Variants in MTUS2 observed in about 807,000 individuals in gnomAD.
MTUS2 encodes the protein microtubule-associated tumor suppressor candidate 2.
Under a neutral mutation model 114.1 loss-of-function variants are expected in MTUS2, and 40 were observed. The ratio of observed to expected loss-of-function variants is 0.35; its 90% CI spans 0.27 to 0.46. The LOEUF (loss-of-function observed/expected upper bound fraction) is 0.46. Ranked by LOEUF, MTUS2 falls within the 20% of genes least tolerant of loss-of-function variation. The pLI is 1.00. For missense variants in MTUS2, 1,679 were observed against 1,705.4 expected, an observed-to-expected ratio of 0.98 and a Z score of 0.27; for synonymous variants, 688 against 672.0, an observed-to-expected ratio of 1.02 and a Z score of -0.37.
intron 5 of MTUS2, among the ~76,000 whole-genome samples, chr13:29,205,004 G>A (rs560405556): frequency 6.6e-6 from 1 of 152,252 alleles, no homozygotes; most frequent in Admixed American, 6.5e-5. Context: ...CAGTCAGAGG[G>A]ACCATCAGAG....
At position 29,345,929 on chromosome 13, in the gene MTUS2, TG is replaced by T. The variant is rs372318079; in HGVS notation, c.2906-13330del. Among the ~76,000 whole-genome samples the T allele has an allele frequency of 3.7e-4, 56 of 152,282 alleles. 2 individuals are homozygous for T. The East Asian group carries it at 6.2e-3, about 17-fold the overall frequency. ...ACTGTAGTTATTGTTATATTTTTTC[TG>T]GGTCTAGCCACCTAGCTGAGCTACC... On this transcript the variant is annotated intron_variant, in intron 7 of 15. Coordinates refer to ENST00000612955, the MANE Select transcript of MTUS2 (RefSeq NM_001033602.4).
chr13:29,315,469 TA>T (rs552195010), intron 6 of MTUS2, among the ~76,000 whole-genome samples: 78 of 152,228 alleles, frequency 5.1e-4, no homozygotes, highest in African/African-American at 1.7e-3. Flanking sequence ...ATTAGAATAA[TA>T]AAAATCATTT....
At chr13:29,393,594 C>G (rs113941036) in intron 8 of MTUS2, among the ~76,000 whole-genome samples, 5 of 152,284 alleles carry the variant, frequency 3.3e-5, no homozygotes, top group African/African-American at 1.2e-4. Context: ...TTCTCAGTGA[C>G]ACTGAAGACA....
intron 5 of MTUS2, among the ~76,000 whole-genome samples, chr13:29,120,174 C>T (rs1223726659): frequency 6.6e-6 from 1 of 152,092 alleles, no homozygotes; most frequent in African/African-American, 2.4e-5. Flanking sequence ...CAGTCTCATA[C>T]ACTGAGGTCA....
At chr13:29,387,043 A>G (rs1566170667) in intron 8 of MTUS2, among the ~76,000 whole-genome samples, 1 of 152,332 alleles carries the variant, frequency 6.6e-6, no homozygotes, top group East Asian at 1.9e-4. Context: ...AGTGCTTACT[A>G]TGTGCTAGGC....
rs1008008683 is a variant in MTUS2 at position 29,326,682 on chromosome 13, A to G, written c.2905+1971A>G. On this transcript the variant is annotated intron_variant, in intron 7 of 15. Coordinates refer to ENST00000612955, the MANE Select transcript of MTUS2 (RefSeq NM_001033602.4). ...GAACTATACTCTCTAAACTAACTCA[A>G]AGATTTAGATTACCAGAGCCAGGCG... Among the ~76,000 whole-genome samples, 4 of 152,214 alleles carry G rather than the reference A, an allele frequency of 2.6e-5. No homozygotes were observed. The East Asian group carries it at 5.8e-4, about 22-fold the overall frequency.
chr13:29,265,397 GTCT>G (rs1288219681), intron 5 of MTUS2, among the ~76,000 whole-genome samples: 4 of 152,166 alleles, frequency 2.6e-5, no homozygotes, highest in African/African-American at 7.2e-5. Context: ...TCGTCTTCCA[GTCT>G]TCTTCTGAGC....
At chr13:28,973,061 G>A (rs1883929722) in intron 2 of MTUS2, among the ~76,000 whole-genome samples, 1 of 152,064 alleles carries the variant, frequency 6.6e-6, no homozygotes, top group African/African-American at 2.4e-5. Context: ...CACTCTGTAT[G>A]TAGCTTGCTT....
chr13:29,501,064 G>A (rs370893656), intron 14 of MTUS2, 33 bp from the exon 15 acceptor site: 2 of 1,591,624 alleles, frequency 1.3e-6, no homozygotes, highest in African/African-American at 1.3e-5. Context: ...TTATGGCCTT[G>A]CTAGAACCTC....
At chr13:29,489,049 C>T (rs554929686) in intron 11 of MTUS2, among the ~76,000 whole-genome samples, 5 of 152,190 alleles carry the variant, frequency 3.3e-5, no homozygotes, top group Non-Finnish European at 7.3e-5. Flanking sequence ...CTTTGGGAGG[C>T]TGAGGCAGGT....
At chr13:28,837,139 C>T (rs1434093479) in intron 1 of MTUS2, among the ~76,000 whole-genome samples, 2 of 152,194 alleles carry the variant, frequency 1.3e-5, no homozygotes, top group Non-Finnish European at 2.9e-5. Context: ...AGCTCCTGTT[C>T]TTCATTGTAG....
At chr13:29,316,959 T>G (rs1169299694) in intron 6 of MTUS2, among the ~76,000 whole-genome samples, 2 of 152,242 alleles carry the variant, frequency 1.3e-5, no homozygotes, top group Non-Finnish European at 2.9e-5. Context: ...TGCTTAGTAA[T>G]GAATTGATCA....
intron 9 of MTUS2, among the ~76,000 whole-genome samples, chr13:29,445,468 G>A (rs537227820): frequency 6.6e-6 from 1 of 152,288 alleles, no homozygotes; most frequent in South Asian, 2.1e-4. Flanking sequence ...GCCTCCTTAG[G>A]TTTGATAATT....
At chr13:29,447,506 G>A (rs1046400803) in intron 9 of MTUS2, among the ~76,000 whole-genome samples, 2 of 151,600 alleles carry the variant, frequency 1.3e-5, no homozygotes, top group African/African-American at 4.9e-5. Context: ...TGTGTGTTTC[G>A]TTTAGGGCTA....
intron 5 of MTUS2, among the ~76,000 whole-genome samples, chr13:29,222,836 C>T (rs76551455): frequency 0.018 from 2,674 of 152,316 alleles, 32 homozygotes; most frequent in Non-Finnish European, 0.027. Flanking sequence ...GCTCCAATTG[C>T]GGAGCAAAGT....
At chr13:29,339,889 G>A (rs1419925006) in intron 7 of MTUS2, 1 of 152,756 alleles carries the variant, frequency 6.5e-6, no homozygotes, top group Admixed American at 6.5e-5. Context: ...CCCTGGCCCG[G>A]GGCGGCACTA....
At chr13:29,460,339 G>C (rs17658712) in intron 9 of MTUS2, among the ~76,000 whole-genome samples, 9,733 of 152,096 alleles carry the variant, frequency 0.064, 352 homozygotes, top group African/African-American at 0.085. Context: ...CATAATGGCT[G>C]CCAATATTAG....
intron 5 of MTUS2, among the ~76,000 whole-genome samples, chr13:29,127,155 A>T (rs1489578682): frequency 6.6e-6 from 1 of 152,178 alleles, no homozygotes; most frequent in Non-Finnish European, 1.5e-5. Context: ...TAGCTTTAGT[A>T]GCACTTCCTC....
chr13:29,186,191 G>T (rs1358157138), intron 5 of MTUS2, among the ~76,000 whole-genome samples: 3 of 152,204 alleles, frequency 2.0e-5, no homozygotes, highest in Non-Finnish European at 4.4e-5. Flanking sequence ...TCCTGCCTGG[G>T]CAACTGAGTG....
Sources: gnomAD v4.1 joint callset for allele counts (sites outside exome capture counted in the v4.1 genomes callset) on GRCh38, gnomAD v4.1.1 for gene constraint, MANE v1.5 for transcripts, NCBI Gene and HGNC (gene_info 2026-07-23, HGNC 2026-07-21) for gene names.